The following PBX1 variants were observed in gnomAD, a reference collection of about 807,000 sequenced individuals.
PBX1 encodes PBX homeobox 1, also known as pre-B-cell leukemia transcription factor 1.
In PBX1, 6 loss-of-function variants were observed where a neutral mutation model predicts 53.4. The observed-to-expected ratio is 0.11, with a 90% CI of 0.06 to 0.22. The LOEUF (loss-of-function observed/expected upper bound fraction) is 0.22, where lower values mean the gene tolerates loss of function less well. PBX1 is among the 10% of genes least tolerant of loss of function. The probability of loss-of-function intolerance (pLI) is 1.00; values close to 1 mark genes in which losing one functional copy is unlikely to be tolerated. For synonymous variants in PBX1, 204 were observed against 212.3 expected (o/e 0.96, Z 0.34); for missense variants, 251 against 551.4 (o/e 0.46, Z 5.46).
intron 2 of PBX1, among the ~76,000 whole-genome samples, chr1:164,699,201 C>G (rs947895500): frequency 6.6e-6 from 1 of 152,220 alleles, no homozygotes; most frequent in African/African-American, 2.4e-5. Flanking sequence ...CCCTCTCTAT[C>G]TATCTACCTA....
intron 2 of PBX1, among the ~76,000 whole-genome samples, chr1:164,565,383 A>G (rs1372912535): frequency 6.6e-6 from 1 of 151,794 alleles, no homozygotes; most frequent in Non-Finnish European, 1.5e-5. Context: ...CAAATAATGT[A>G]ATTGAAAGTG....
chr1:164,865,921 C>T (rs894615285), intron 2 of PBX1, among the ~76,000 whole-genome samples: 6 of 152,128 alleles, frequency 3.9e-5, no homozygotes, highest in African/African-American at 1.2e-4. Context: ...TAAAATTTCT[C>T]AGACATTTCA....
chr1:164,612,051 A>G (rs564201365), intron 2 of PBX1, among the ~76,000 whole-genome samples: 1 of 152,290 alleles, frequency 6.6e-6, no homozygotes, highest in South Asian at 2.1e-4. Context: ...TTTTTGCCCC[A>G]GGTCAGAAGA....
Position 164,588,473 on chromosome 1 carries a change from C to CTTTTTTTTTTT in PBX1, c.265+25179_265+25189dup, listed in dbSNP as rs371768861. Among the ~76,000 whole-genome samples the CTTTTTTTTTTT allele has an allele frequency of 1.4e-4, 10 of 73,084 alleles. 1 individual carries two copies. The South Asian group carries it at 3.5e-3, about 25-fold the overall frequency. The allele number at this position is 73,084 out of a possible 152,430, so 47.9% of individuals were successfully genotyped here. A position where few individuals can be genotyped will look rare whatever the true frequency, so the allele number is the denominator to read the frequency against. Reference sequence around the variant, plus strand: ...AAAGAGAAATACACTCCGGACTAAGCTTTTTTTTTTTTTTTTTTTTTTTTT... The same window carrying CTTTTTTTTTTT: ...AAAGAGAAATACACTCCGGACTAAGCTTTTTTTTTTTTTTTTTTTTTTTTTTTTTTTTTTTT... On this transcript the variant is annotated intron_variant, in intron 2 of 8. Transcript: ENST00000420696.
intron 2 of PBX1, among the ~76,000 whole-genome samples, chr1:164,594,803 C>G (rs1021094458): frequency 1.3e-5 from 2 of 152,142 alleles, no homozygotes; most frequent in Admixed American, 6.5e-5. Flanking sequence ...TTTAGACCAG[C>G]CACATTAAGT....
At chr1:164,651,289 G>A (rs974511597) in intron 2 of PBX1, among the ~76,000 whole-genome samples, 3 of 151,980 alleles carry the variant, frequency 2.0e-5, no homozygotes, top group African/African-American at 4.8e-5. Flanking sequence ...GTGCAGAGGC[G>A]GGGGCATTGC....
intron 2 of PBX1, among the ~76,000 whole-genome samples, chr1:164,702,253 A>C (rs1449916773): frequency 2.6e-5 from 4 of 152,108 alleles, no homozygotes; most frequent in African/African-American, 7.2e-5. Flanking sequence ...GGCATGGAGA[A>C]GGCATCATAA....
chr1:164,775,193 T>A (rs1276297542), intron 2 of PBX1, among the ~76,000 whole-genome samples: 1 of 152,188 alleles, frequency 6.6e-6, no homozygotes, highest in East Asian at 1.9e-4. Flanking sequence ...TACTTTTCTC[T>A]GTTAACGGAA....
intron 4 of PBX1, among the ~76,000 whole-genome samples, chr1:164,804,565 A>G (rs533971441): frequency 6.6e-6 from 1 of 152,360 alleles, no homozygotes; most frequent in South Asian, 2.1e-4. Context: ...GATATAGAAC[A>G]TTTCACTCAT....
At chr1:164,634,051 A>C (rs1197717667) in intron 2 of PBX1, among the ~76,000 whole-genome samples, 1 of 152,192 alleles carries the variant, frequency 6.6e-6, no homozygotes, top group Non-Finnish European at 1.5e-5. Context: ...GTGGATGAAC[A>C]GTTTCTTCCT....
intron 2 of PBX1, among the ~76,000 whole-genome samples, chr1:164,687,669 C>T (rs1434566002): frequency 6.6e-6 from 1 of 151,286 alleles, no homozygotes; most frequent in East Asian, 2.0e-4. Flanking sequence ...CAGGGATTCT[C>T]GTTGCACATC....
intron 2 of PBX1, among the ~76,000 whole-genome samples, chr1:164,613,176 A>G (rs181296440): frequency 3.6e-4 from 55 of 152,280 alleles, no homozygotes; most frequent in African/African-American, 1.3e-3. Flanking sequence ...TTATTTATGT[A>G]TTTAGCTTGT....
At chr1:164,752,211 T>TGG (rs1384552666) in intron 2 of PBX1, among the ~76,000 whole-genome samples, 1 of 95,516 alleles carries the variant, frequency 1.0e-5, no homozygotes, top group Non-Finnish European at 2.6e-5. Flanking sequence ...AGGTTTTGTG[T>TGG]GTGTGTGTGT....
At chr1:164,571,942 T>C (rs1653913642) in intron 2 of PBX1, among the ~76,000 whole-genome samples, 2 of 132,188 alleles carry the variant, frequency 1.5e-5, no homozygotes, top group African/African-American at 2.9e-5. Context: ...TTTAAGATGG[T>C]GTGTCCCAGG....
chr1:164,686,584 G>A (rs990538254), intron 2 of PBX1, among the ~76,000 whole-genome samples: 2 of 152,160 alleles, frequency 1.3e-5, no homozygotes, highest in Admixed American at 6.5e-5. Flanking sequence ...ATGGGGAAGG[G>A]ATTCCTCCTT....
chr1:164,804,057 CATT>C (rs1669216272), intron 4 of PBX1, among the ~76,000 whole-genome samples: 1 of 151,878 alleles, frequency 6.6e-6, no homozygotes, highest in Non-Finnish European at 1.5e-5. Context: ...TATATATACA[CATT>C]ATTGTTAAAT....
chr1:164,748,303 G>A (rs148612960), intron 2 of PBX1, among the ~76,000 whole-genome samples: 23 of 152,196 alleles, frequency 1.5e-4, no homozygotes, highest in Non-Finnish European at 3.4e-4. Context: ...GACTTTCCTC[G>A]CCTCACGTTT....
intron 1 of PBX1, among the ~76,000 whole-genome samples, chr1:164,562,494 C>CACACACACACACACACACACA: frequency 6.8e-6 from 1 of 146,320 alleles, no homozygotes; most frequent in East Asian, 2.0e-4. Context: ...CACACACACA[C>CACACACACACACACACACACA]CAGGTAAATC....
At chr1:164,689,096 A>G (rs995172923) in intron 2 of PBX1, among the ~76,000 whole-genome samples, 1 of 152,228 alleles carries the variant, frequency 6.6e-6, no homozygotes, top group Non-Finnish European at 1.5e-5. Context: ...AAGTGTTTAA[A>G]CACCAGAATT....
Sources: gnomAD v4.1 joint callset for allele counts (sites outside exome capture counted in the v4.1 genomes callset) on GRCh38, gnomAD v4.1.1 for gene constraint, MANE v1.5 for transcripts, NCBI Gene and HGNC (gene_info 2026-07-23, HGNC 2026-07-21) for gene names.